RIMBP2: variants seen among roughly 807,000 people sequenced by gnomAD.
The protein encoded by RIMBP2 is RIMS binding protein 2.
In RIMBP2, 48 loss-of-function variants were observed where a neutral mutation model predicts 118.6. The ratio of observed to expected loss-of-function variants is 0.40; its 90% CI spans 0.32 to 0.51. The LOEUF is 0.51. Among genes scored for constraint, RIMBP2 ranks in the 20% least tolerant of loss-of-function variants. The pLI, the probability that RIMBP2 is intolerant of heterozygous loss-of-function variation, is 0.41. For synonymous variants in RIMBP2, 762 were observed against 742.9 expected, an observed-to-expected ratio of 1.03 and a Z score of -0.42; for missense variants, 1,551 against 1,768.3, an observed-to-expected ratio of 0.88 and a Z score of 2.20.
At chr12:130,616,781 A>C (rs1312101649) in intron 2 of RIMBP2, among the ~76,000 whole-genome samples, 1 of 152,208 alleles carries the variant, frequency 6.6e-6, no homozygotes, top group Non-Finnish European at 1.5e-5. Context: ...CTCCTTCTAC[A>C]TCGCCATGTG....
intron 1 of RIMBP2, among the ~76,000 whole-genome samples, chr12:130,672,345 C>T (rs972237437): frequency 1.6e-4 from 25 of 152,218 alleles, no homozygotes; most frequent in Non-Finnish European, 3.1e-4. Flanking sequence ...AATAAGAAAT[C>T]GTTTTCCATC....
At chr12:130,527,094 G>A (rs759271250) in intron 2 of RIMBP2, among the ~76,000 whole-genome samples, 3 of 152,160 alleles carry the variant, frequency 2.0e-5, no homozygotes, top group Non-Finnish European at 2.9e-5. Flanking sequence ...AGTCATCCCA[G>A]GGTGTGGAGG....
intron 4 of RIMBP2, among the ~76,000 whole-genome samples, chr12:130,489,968 C>A (rs2048470239): frequency 6.6e-6 from 1 of 151,714 alleles, no homozygotes; most frequent in African/African-American, 2.4e-5. Flanking sequence ...TACTAAAATA[C>A]AAAAAATTAG....
At chr12:130,687,606 A>G (rs1308196976) in intron 1 of RIMBP2, among the ~76,000 whole-genome samples, 1 of 152,246 alleles carries the variant, frequency 6.6e-6, no homozygotes, top group Non-Finnish European at 1.5e-5. Context: ...GGCATTGAAC[A>G]AAGTAGATGA....
chr12:130,524,059 TCTG>T (rs2052480108), intron 2 of RIMBP2, among the ~76,000 whole-genome samples: 1 of 152,070 alleles, frequency 6.6e-6, no homozygotes, highest in Admixed American at 6.5e-5. Context: ...CAGCCTCTGC[TCTG>T]CTGGCCTCAA....
rs546024258 is a variant in RIMBP2 at position 130,691,532 on chromosome 12, TG to T, written c.-352+24689del. On this transcript the variant is annotated intron_variant, in intron 1 of 22. Transcript: ENST00000690449. ...AAAAAAAATACAAAAATTAGCCGGA[TG>T]TGATGGCCCACACTGGAATCCCAGC... Among the ~76,000 whole-genome samples the T allele has an allele frequency of 1.0e-3, 154 of 152,176 alleles. 2 individuals are homozygous for T. The highest frequency in any genetic ancestry group is 3.6e-3 in the African/African-American group (150 of 41,530).
intron 4 of RIMBP2, among the ~76,000 whole-genome samples, chr12:130,494,222 A>G (rs2048915780): frequency 6.6e-6 from 1 of 152,072 alleles, no homozygotes. Flanking sequence ...GCCCTCCTGG[A>G]GCCCACTCCA....
intron 2 of RIMBP2, among the ~76,000 whole-genome samples, chr12:130,618,319 A>G (rs2061083304): frequency 1.3e-5 from 2 of 152,186 alleles, no homozygotes; most frequent in African/African-American, 4.8e-5. Context: ...TTAGAAGGTT[A>G]CACGTGTTAA....
chr12:130,669,481 G>A (rs752796294), intron 1 of RIMBP2, among the ~76,000 whole-genome samples: 10 of 152,156 alleles, frequency 6.6e-5, no homozygotes, highest in South Asian at 2.1e-4. Flanking sequence ...TGCTGTTCTC[G>A]CGAGAGTGAG....
chr12:130,638,464 A>C (rs1362527695), intron 1 of RIMBP2, among the ~76,000 whole-genome samples: 2 of 152,246 alleles, frequency 1.3e-5, no homozygotes, highest in Non-Finnish European at 2.9e-5. Context: ...GTTAGGAACG[A>C]GGCCGCACAG....
intron 2 of RIMBP2, among the ~76,000 whole-genome samples, chr12:130,628,065 C>T (rs1445392569): frequency 6.6e-6 from 1 of 152,200 alleles, no homozygotes; most frequent in Non-Finnish European, 1.5e-5. Context: ...CATCTGTGCT[C>T]CAGACACCCA....
chr12:130,638,691 TC>T (rs1044154922), intron 1 of RIMBP2, among the ~76,000 whole-genome samples: 12 of 151,860 alleles, frequency 7.9e-5, no homozygotes, highest in African/African-American at 2.9e-4. Flanking sequence ...ATGAAACTGA[TC>T]CCTGGTGCCA....
intron 1 of RIMBP2, among the ~76,000 whole-genome samples, chr12:130,645,699 C>T (rs574423886): frequency 5.4e-4 from 82 of 152,288 alleles, no homozygotes; most frequent in African/African-American, 9.4e-4. Context: ...ACAAAGTCCT[C>T]GCTGATGACA....
rs1029635251 is a variant in RIMBP2, at chr12:130,438,284, C to T, written c.1656+81G>A. ...AGGGCTGGAAGAGCAGACCCTGCCT[C>T]CTCCACTGAGCAAATACCGGGCCGG... On this transcript the variant is annotated intron_variant, in intron 12 of 22. Coordinates refer to ENST00000690449, the MANE Select transcript of RIMBP2 (RefSeq NM_001393629.1). 2.0e-6 allele frequency: 3 copies of T among 1,505,278 alleles called. No homozygotes were observed. The African/African-American group carries it at 4.1e-5, about 21-fold the overall frequency. The allele number at this position is 1,505,278 out of a possible 1,614,324, so 93.2% of individuals were successfully genotyped here.
At chr12:130,615,272 C>CATATATATATATATATAT (rs1555309104) in intron 2 of RIMBP2, among the ~76,000 whole-genome samples, 474 of 38,556 alleles carry the variant, frequency 0.012, 6 homozygotes, top group Non-Finnish European at 0.017. Context: ...ACATAATACA[C>CATATATATATATATATAT]ATACATATAT....
chr12:130,548,666 C>A lies in RIMBP2; in HGVS notation c.-216-30749G>T, dbSNP rs1410083966. 2.0e-5 allele frequency among the ~76,000 whole-genome samples: 3 copies of A among 152,208 alleles called. No individual in the cohort carries two copies. The East Asian group carries it at 5.8e-4, about 29-fold the overall frequency. On this transcript the variant is annotated intron_variant, in intron 2 of 22. Transcript: ENST00000690449. ...TGGGCTCACTGCAACCTCCACCTCC[C>A]GGGTTCAAGCAATTCTTCTGCCTCA...
intron 20 of RIMBP2, among the ~76,000 whole-genome samples, chr12:130,407,008 C>T (rs536100634): frequency 3.3e-5 from 5 of 152,308 alleles, no homozygotes; most frequent in East Asian, 3.9e-4. Flanking sequence ...GTGTCAAACA[C>T]GCCCCACTGC....
intron 1 of RIMBP2, among the ~76,000 whole-genome samples, chr12:130,714,685 C>A (rs1003446049): frequency 3.3e-5 from 5 of 152,196 alleles, no homozygotes; most frequent in African/African-American, 1.2e-4. Context: ...CGACCCCAGG[C>A]ACGCCCCACC....
chr12:130,570,563 T>G (rs959672428), intron 2 of RIMBP2, among the ~76,000 whole-genome samples: 1 of 152,144 alleles, frequency 6.6e-6, no homozygotes, highest in East Asian at 1.9e-4. Flanking sequence ...AGGTAAGAGG[T>G]GAGGACAGAC....
Sources: allele counts gnomAD v4.1 joint callset (sites outside exome capture counted in the v4.1 genomes callset), GRCh38; gene constraint gnomAD v4.1.1; transcripts MANE v1.5; gene names NCBI Gene and HGNC (gene_info 2026-07-23, HGNC 2026-07-21).